Variants in PPP3CA observed in about 807,000 individuals in gnomAD.
The protein encoded by PPP3CA is protein phosphatase 3 catalytic subunit alpha.
PPP3CA carries 14 observed loss-of-function variants against 66.5 expected under a neutral mutation model. That is an observed-to-expected ratio of 0.21 (90% CI 0.14 to 0.33). The LOEUF (loss-of-function observed/expected upper bound fraction) is 0.33. Among genes scored for constraint, PPP3CA ranks in the 10% least tolerant of loss-of-function variants. PPP3CA has a pLI of 1.00. For synonymous variants in PPP3CA, 232 were observed against 226.2 expected (o/e 1.03, Z -0.23); for missense variants, 317 against 639.5 (o/e 0.50, Z 5.44).
At chr4:101,262,256 T>C (rs1727033032) in intron 1 of PPP3CA, among the ~76,000 whole-genome samples, 2 of 152,084 alleles carry the variant, frequency 1.3e-5, no homozygotes, top group Admixed American at 1.3e-4. Context: ...GTGAAATTAA[T>C]AACAAGAGTA....
chr4:101,194,858 C>T (rs779454700), intron 2 of PPP3CA, among the ~76,000 whole-genome samples: 4 of 152,024 alleles, frequency 2.6e-5, no homozygotes, highest in East Asian at 1.9e-4. Context: ...TTAGCCACCG[C>T]GTCCAGCCCA....
chr4:101,195,605 T>A (rs1436990257), intron 2 of PPP3CA, among the ~76,000 whole-genome samples: 1 of 152,188 alleles, frequency 6.6e-6, no homozygotes, highest in Non-Finnish European at 1.5e-5. Context: ...TCTTTCCCAA[T>A]GAATATCCTG....
intron 2 of PPP3CA, among the ~76,000 whole-genome samples, chr4:101,157,338 TCAAGATATTTTATA>T: frequency 6.6e-6 from 1 of 152,286 alleles, no homozygotes; most frequent in East Asian, 1.9e-4. Flanking sequence ...CTTGGTAATA[TCAAGATATTTTATA>T]CTTTCACCTT....
chr4:101,232,472 C>G (rs1725994156), intron 1 of PPP3CA, among the ~76,000 whole-genome samples: 1 of 151,666 alleles, frequency 6.6e-6, no homozygotes, highest in Non-Finnish European at 1.5e-5. Context: ...TGCTAAGAGA[C>G]AAAATAAAAT....
intron 1 of PPP3CA, among the ~76,000 whole-genome samples, chr4:101,307,691 T>C (rs1728590623): frequency 6.6e-6 from 1 of 152,242 alleles, no homozygotes. Context: ...TGGATGTTTC[T>C]AAATCTACCA....
chr4:101,304,355 C>A (rs1428272095), intron 1 of PPP3CA, among the ~76,000 whole-genome samples: 1 of 152,100 alleles, frequency 6.6e-6, no homozygotes, highest in Non-Finnish European at 1.5e-5. Flanking sequence ...GTCATTTCTT[C>A]ATTTCAGTAA....
chr4:101,331,267 C>T (rs984131016), intron 1 of PPP3CA, among the ~76,000 whole-genome samples: 10 of 151,996 alleles, frequency 6.6e-5, no homozygotes, highest in Admixed American at 2.6e-4. Context: ...GCATAAGGTA[C>T]TTAAAATGAG....
chr4:101,036,928 C>T (rs915855059), intron 11 of PPP3CA, among the ~76,000 whole-genome samples: 4 of 152,174 alleles, frequency 2.6e-5, no homozygotes, highest in Non-Finnish European at 4.4e-5. Flanking sequence ...GGAATACTTC[C>T]TCTCTCTTGT....
intron 1 of PPP3CA, among the ~76,000 whole-genome samples, chr4:101,269,209 C>G (rs556945654): frequency 6.6e-6 from 1 of 152,072 alleles, no homozygotes; most frequent in Non-Finnish European, 1.5e-5. Flanking sequence ...TCTTTATTTA[C>G]GATTCAGACT....
chr4:101,159,687 T>C (rs1010317677), intron 2 of PPP3CA, among the ~76,000 whole-genome samples: 1 of 152,204 alleles, frequency 6.6e-6, no homozygotes, highest in Non-Finnish European at 1.5e-5. Flanking sequence ...CTTAAAATTA[T>C]TCCCATCCTA....
intron 8 of PPP3CA, 24 bp downstream of exon 8, chr4:101,080,508 C>A (rs765012529): frequency 4.0e-6 from 5 of 1,254,640 alleles, no homozygotes; most frequent in Admixed American, 2.0e-5. Flanking sequence ...TGTAAGACTG[C>A]AAGAGGTATT....
At chr4:101,331,434 G>A (rs1240261093) in intron 1 of PPP3CA, among the ~76,000 whole-genome samples, 1 of 152,162 alleles carries the variant, frequency 6.6e-6, no homozygotes, top group Non-Finnish European at 1.5e-5. Flanking sequence ...AGAATAATGT[G>A]CCAGGCATTG....
At chr4:101,157,696 A>T (rs889951108) in intron 2 of PPP3CA, among the ~76,000 whole-genome samples, 1 of 152,158 alleles carries the variant, frequency 6.6e-6, no homozygotes, top group African/African-American at 2.4e-5. Context: ...TGTTCTTTGA[A>T]ACCCATCAAG....
chr4:101,068,875 T>G (rs1325407054), intron 8 of PPP3CA, among the ~76,000 whole-genome samples: 1 of 152,216 alleles, frequency 6.6e-6, no homozygotes, highest in African/African-American at 2.4e-5. Context: ...GTGAAAGTTA[T>G]GTGTTCAAGT....
rs114540529 is a variant in PPP3CA at position 101,165,319 on chromosome 4, A to T, written c.259+30597T>A. Among the ~76,000 whole-genome samples the T allele has an allele frequency of 2.4e-3, 367 of 152,322 alleles. 5 individuals carry two copies. The highest frequency in any genetic ancestry group is 6.6e-4 in the Non-Finnish European group (45 of 68,012). ...TTCCATAAAGGCAGTCTTTTTCCCA[A>T]ACATTGAAAAATGAAATAATGCCAT... On this transcript the variant is annotated intron_variant, in intron 2 of 13. Transcript: ENST00000394854.
At chr4:101,225,901 T>C (rs559650277) in intron 1 of PPP3CA, among the ~76,000 whole-genome samples, 3 of 151,762 alleles carry the variant, frequency 2.0e-5, no homozygotes, top group Non-Finnish European at 4.4e-5. Flanking sequence ...TCAATAAAGA[T>C]GAACATTTGT....
chr4:101,296,180 C>T (rs186507915), intron 1 of PPP3CA, among the ~76,000 whole-genome samples: 1 of 152,110 alleles, frequency 6.6e-6, no homozygotes, highest in African/African-American at 2.4e-5. Context: ...AATTACCAAC[C>T]TTATAAAAGG....
intron 2 of PPP3CA, among the ~76,000 whole-genome samples, chr4:101,136,986 A>G (rs1722643629): frequency 6.6e-6 from 1 of 152,158 alleles, no homozygotes; most frequent in African/African-American, 2.4e-5. Flanking sequence ...ACAACTATAA[A>G]TATATCATGA....
intron 2 of PPP3CA, among the ~76,000 whole-genome samples, chr4:101,171,382 G>C (rs1267856345): frequency 6.7e-6 from 1 of 150,090 alleles, no homozygotes; most frequent in Admixed American, 6.6e-5. Flanking sequence ...AAAGAAGGTT[G>C]ACAGCTTAGG....
Sources: allele counts gnomAD v4.1 joint callset (sites outside exome capture counted in the v4.1 genomes callset), GRCh38; gene constraint gnomAD v4.1.1; transcripts MANE v1.5; gene names NCBI Gene and HGNC (gene_info 2026-07-23, HGNC 2026-07-21).